Variants in CDC42SE2 observed in about 807,000 individuals in gnomAD.
CDC42SE2 encodes the protein CDC42 small effector 2.
A neutral mutation model predicts 11.5 loss-of-function variants in CDC42SE2; 3 were observed. The ratio of observed to expected loss-of-function variants is 0.26; its 90% CI spans 0.12 to 0.67. The LOEUF (loss-of-function observed/expected upper bound fraction) is 0.67, where lower values mean the gene tolerates loss of function less well. Ranked by LOEUF, CDC42SE2 falls within the 30% of genes least tolerant of loss-of-function variation. CDC42SE2 has a pLI of 0.80. For synonymous variants in CDC42SE2, 33 were observed against 34.8 expected, an observed-to-expected ratio of 0.95 and a Z score of 0.18; for missense variants, 82 against 106.8, an observed-to-expected ratio of 0.77 and a Z score of 1.02.
rs1466049471 is a variant in CDC42SE2, at chr5:131,393,192, C to A, written c.*2101C>A. On this transcript the variant is annotated 3_prime_UTR_variant, in exon 5 of 5. Transcript: ENST00000505065. ...AATGGGGCTTAATTAAAAACTTTAA[C>A]TTGGAATAAAGGAACAGGGATCACT... 6.6e-6 allele frequency: 1 copy of A among 152,320 alleles called. No individual in the cohort carries two copies. The highest frequency in any genetic ancestry group is 2.4e-5 in the African/African-American group (1 of 41,436). 9.4% of individuals were successfully genotyped at this position (152,320 alleles called of 1,614,324 possible). A position where few individuals can be genotyped will look rare whatever the true frequency, so the allele number is the denominator to read the frequency against.
At chr5:131,375,311 G>GAAAAGGTTAGTT (rs150527622) in intron 3 of CDC42SE2, among the ~76,000 whole-genome samples, 8,075 of 152,104 alleles carry the variant, frequency 0.053, 366 homozygotes, top group African/African-American at 0.12. Context: ...TACTGAGTAG[G>GAAAAGGTTAGTT]AAAAGGTTAG....
intron 2 of CDC42SE2, among the ~76,000 whole-genome samples, chr5:131,347,863 G>A (rs188752542): frequency 3.9e-5 from 6 of 152,226 alleles, no homozygotes; most frequent in African/African-American, 7.2e-5. Flanking sequence ...ATCAATAAAC[G>A]TAATCCATCA....
At chr5:131,251,139 CAAAT>C (rs761260647) in intron 1 of CDC42SE2, among the ~76,000 whole-genome samples, 3 of 152,102 alleles carry the variant, frequency 2.0e-5, no homozygotes, top group Non-Finnish European at 2.9e-5. Flanking sequence ...TTAGCAATAA[CAAAT>C]AAATGACTTA....
chr5:131,305,623 G>A (rs546236223), intron 1 of CDC42SE2, among the ~76,000 whole-genome samples: 1 of 152,210 alleles, frequency 6.6e-6, no homozygotes, highest in Non-Finnish European at 1.5e-5. Flanking sequence ...TTGCTATTCA[G>A]TTTGAGTTCC....
intron 1 of CDC42SE2, among the ~76,000 whole-genome samples, chr5:131,247,138 A>G (rs1000800170): frequency 2.9e-4 from 44 of 152,222 alleles, no homozygotes; most frequent in African/African-American, 1.1e-3. Context: ...TTTTAGTAGT[A>G]CCTTTTATTG....
chr5:131,312,158 T>A (rs981891900), intron 1 of CDC42SE2, among the ~76,000 whole-genome samples: 1 of 152,146 alleles, frequency 6.6e-6, no homozygotes, highest in Non-Finnish European at 1.5e-5. Context: ...GTTTTCCTTC[T>A]AACAGACAGG....
intron 2 of CDC42SE2, among the ~76,000 whole-genome samples, chr5:131,342,386 G>GTTTTTTTTTTT (rs1304028910): frequency 6.1e-5 from 7 of 114,844 alleles, no homozygotes; most frequent in African/African-American, 1.2e-4. Flanking sequence ...ATTTTTAATA[G>GTTTTTTTTTTT]TCTTTTTTTT....
intron 1 of CDC42SE2, among the ~76,000 whole-genome samples, chr5:131,309,767 G>A (rs1391292565): frequency 2.0e-5 from 3 of 151,934 alleles, no homozygotes; most frequent in Non-Finnish European, 4.4e-5. Flanking sequence ...ATGGTAGTTT[G>A]TATTTCTGTG....
chr5:131,348,431 C>G (rs367827006), intron 2 of CDC42SE2, among the ~76,000 whole-genome samples: 1 of 152,204 alleles, frequency 6.6e-6, no homozygotes, highest in Middle Eastern at 3.4e-3. Flanking sequence ...ATCCAACTTA[C>G]AAGGAATGTG....
upstream of CDC42SE2, among the ~76,000 whole-genome samples, chr5:131,261,858 CAAAA>C (rs751406623): frequency 3.3e-5 from 2 of 60,426 alleles, no homozygotes; most frequent in Non-Finnish European, 3.2e-5. Flanking sequence ...GACCCTGTCT[CAAAA>C]AAAAAAAAAA....
At chr5:131,313,041 G>A (rs1757963198) in intron 1 of CDC42SE2, among the ~76,000 whole-genome samples, 1 of 151,628 alleles carries the variant, frequency 6.6e-6, no homozygotes, top group Admixed American at 6.6e-5. Flanking sequence ...GTAGTGCAGT[G>A]GCGTGATCTT....
intron 1 of CDC42SE2, among the ~76,000 whole-genome samples, chr5:131,301,719 C>T (rs913876815): frequency 4.0e-5 from 6 of 149,876 alleles, no homozygotes; most frequent in Non-Finnish European, 8.9e-5. Context: ...GATCACGCCA[C>T]TGCACTCTAG....
intron 2 of CDC42SE2, among the ~76,000 whole-genome samples, chr5:131,329,079 G>A (rs1758357700): frequency 6.6e-6 from 1 of 152,178 alleles, no homozygotes; most frequent in African/African-American, 2.4e-5. Context: ...GTCTGTGTCT[G>A]CTTTCCTGAG....
At chr5:131,226,859 T>A in the CDC42SE2 span, among the ~76,000 whole-genome samples, 2 of 152,200 alleles carry the variant, frequency 1.3e-5, no homozygotes, top group Non-Finnish European at 2.9e-5. Context: ...AAAGGCCAAA[T>A]GAAAGCTACC....
chr5:131,390,242 A>G (rs1364433692), intron 4 of CDC42SE2, among the ~76,000 whole-genome samples: 1 of 152,168 alleles, frequency 6.6e-6, no homozygotes, highest in Non-Finnish European at 1.5e-5. Context: ...AACATGGTAC[A>G]TTTTTTGACA....
At chr5:131,264,491 A>T (rs886491694) in intron 1 of CDC42SE2, among the ~76,000 whole-genome samples, 2 of 108,556 alleles carry the variant, frequency 1.8e-5, no homozygotes, top group South Asian at 3.6e-4. Context: ...GGAAAGGCAG[A>T]CCCCCCCCCT....
At chr5:131,265,596 T>C (rs1756843448) in intron 1 of CDC42SE2, among the ~76,000 whole-genome samples, 1 of 152,234 alleles carries the variant, frequency 6.6e-6, no homozygotes, top group South Asian at 2.1e-4. Flanking sequence ...TCCTTATTAT[T>C]GATGTCGCAA....
the CDC42SE2 span, among the ~76,000 whole-genome samples, chr5:131,233,662 G>A: frequency 1.2e-4 from 19 of 152,128 alleles, no homozygotes; most frequent in South Asian, 2.7e-3. Flanking sequence ...CTGCCATGCC[G>A]GCCTAAAAAC....
intron 2 of CDC42SE2, among the ~76,000 whole-genome samples, chr5:131,330,148 G>C (rs984346240): frequency 6.6e-6 from 1 of 152,138 alleles, no homozygotes; most frequent in African/African-American, 2.4e-5. Flanking sequence ...CGGTGATTTG[G>C]CTAGGAAGGC....
Sources: gnomAD v4.1 joint callset for allele counts (sites outside exome capture counted in the v4.1 genomes callset) on GRCh38, gnomAD v4.1.1 for gene constraint, MANE v1.5 for transcripts, NCBI Gene and HGNC (gene_info 2026-07-23, HGNC 2026-07-21) for gene names.